TPTE: variants seen among roughly 807,000 people sequenced by gnomAD.
TPTE encodes the protein transmembrane phosphatase with tensin homology.
TPTE carries 59 observed loss-of-function variants against 84.1 expected under a neutral mutation model. That is an observed-to-expected ratio of 0.70 (90% CI 0.57 to 0.87). TPTE has a LOEUF of 0.87. Ranked by LOEUF, TPTE falls within the 40% of genes least tolerant of loss-of-function variation. The pLI, the probability that TPTE is intolerant of heterozygous loss-of-function variation, is 0.00. For missense variants in TPTE, 382 were observed against 659.6 expected, an observed-to-expected ratio of 0.58 and a Z score of 4.61; for synonymous variants, 130 against 223.5, an observed-to-expected ratio of 0.58 and a Z score of 3.73.
intron 23 of TPTE, 86 bp downstream of exon 23, chr21:10,603,718 C>T (rs79876272): frequency 6.3e-4 from 952 of 1,508,924 alleles, no homozygotes; most frequent in Non-Finnish European, 7.7e-4. Context: ...TGCTGGTTGT[C>T]ATAAACTTAA....
At chr21:10,546,834 GGTTT>G (rs1419217039) in intron 7 of TPTE, among the ~76,000 whole-genome samples, 31 of 152,306 alleles carry the variant, frequency 2.0e-4, no homozygotes, top group Non-Finnish European at 5.9e-5. Context: ...TTGTTCATGA[GGTTT>G]AAGGAAAGAA....
intron 3 of TPTE, among the ~76,000 whole-genome samples, chr21:10,535,594 T>A (rs1206211590): frequency 6.6e-6 from 1 of 152,308 alleles, no homozygotes; most frequent in African/African-American, 2.4e-5. Context: ...TAGTATCCAA[T>A]CCCTTAGGAA....
intron 8 of TPTE, among the ~76,000 whole-genome samples, chr21:10,552,920 A>T (rs2074606329): frequency 6.6e-6 from 1 of 152,312 alleles, no homozygotes. Context: ...CCATTCAGAA[A>T]TAAATGTTCT....
intron 2 of TPTE, among the ~76,000 whole-genome samples, chr21:10,525,795 A>G (rs973586780): frequency 4.6e-5 from 7 of 152,310 alleles, no homozygotes; most frequent in African/African-American, 1.4e-4. Context: ...AAAGCAGCTT[A>G]TCAAAGTATT....
chr21:10,527,858 C>A (rs2074107684), intron 3 of TPTE, among the ~76,000 whole-genome samples: 3 of 152,418 alleles, frequency 2.0e-5, no homozygotes, highest in African/African-American at 7.2e-5. Flanking sequence ...TGAGGAGAAG[C>A]AAAGATATCT....
At chr21:10,538,418 C>T (rs1350452597) in intron 3 of TPTE, among the ~76,000 whole-genome samples, 1 of 152,306 alleles carries the variant, frequency 6.6e-6, no homozygotes, top group Admixed American at 6.5e-5. Context: ...CAAAGGCTGT[C>T]ACGCATTGGG....
chr21:10,569,435 A>C lies in TPTE; in HGVS notation c.567-2A>C. 1 of 1,612,376 alleles carries C rather than the reference A, an allele frequency of 6.2e-7. No homozygotes were observed. The highest frequency in any genetic ancestry group is 1.7e-4 in the Middle Eastern group (1 of 6,030). On this transcript the variant is annotated splice_acceptor_variant, in intron 11 of 23. Transcript: ENST00000618007. LOFTEE classifies it high-confidence loss of function. ...AAATGGATCGTTTAAATTTATTCTT[A>C]GATGGACACATTTACTTCGACTTCT...
intron 10 of TPTE, among the ~76,000 whole-genome samples, chr21:10,562,674 A>G (rs2074832965): frequency 6.6e-6 from 1 of 152,310 alleles, no homozygotes; most frequent in Non-Finnish European, 1.5e-5. Context: ...AAACCAGAAG[A>G]AAGAATTAAT....
chr21:10,540,688 GC>G (rs2074352781), intron 4 of TPTE: 2 of 519,172 alleles, frequency 3.9e-6, no homozygotes, highest in Non-Finnish European at 7.7e-6. Flanking sequence ...CTTGCTTGAG[GC>G]CTCCAGCTAC....
chr21:10,569,829 C>G (rs1387253435), intron 13 of TPTE, 83 bp downstream of exon 13: 1 of 1,611,064 alleles, frequency 6.2e-7, no homozygotes, highest in East Asian at 2.2e-5. Flanking sequence ...ATCTAAGACA[C>G]ATTCATTCAA....
At chr21:10,563,872 C>A (rs2074858985) in intron 10 of TPTE, among the ~76,000 whole-genome samples, 1 of 152,306 alleles carries the variant, frequency 6.6e-6, no homozygotes, top group African/African-American at 2.4e-5. Context: ...AGAACAAGAC[C>A]CATCCAGGTG....
At chr21:10,538,075 T>C (rs1236875575) in intron 3 of TPTE, among the ~76,000 whole-genome samples, 1 of 152,310 alleles carries the variant, frequency 6.6e-6, no homozygotes. Flanking sequence ...CTATAATGGC[T>C]GAGGACAGCA....
At chr21:10,545,435 A>G (rs1304932846) in intron 7 of TPTE, among the ~76,000 whole-genome samples, 6 of 152,308 alleles carry the variant, frequency 3.9e-5, no homozygotes, top group Admixed American at 6.5e-5. Context: ...GCAAATGTAC[A>G]TAATTTCAAC....
At chr21:10,554,816 T>G (rs959537912) in intron 8 of TPTE, among the ~76,000 whole-genome samples, 9 of 152,306 alleles carry the variant, frequency 5.9e-5, no homozygotes, top group Non-Finnish European at 1.3e-4. Flanking sequence ...TGTCTTAAGG[T>G]ATAAAGTGTA....
At chr21:10,587,326 A>AT in intron 17 of TPTE, among the ~76,000 whole-genome samples, 1 of 152,308 alleles carries the variant, frequency 6.6e-6, no homozygotes, top group Non-Finnish European at 1.5e-5. Flanking sequence ...CCAGGTACTG[A>AT]GCACAAGACC....
At chr21:10,601,545 T>A (rs1469128149) in intron 21 of TPTE, among the ~76,000 whole-genome samples, 4 of 152,226 alleles carry the variant, frequency 2.6e-5, no homozygotes, top group Non-Finnish European at 5.9e-5. Flanking sequence ...CCCTCAAATA[T>A]GTTGGCCTTT....
intron 17 of TPTE, among the ~76,000 whole-genome samples, chr21:10,580,196 A>G (rs1224582890): frequency 6.6e-6 from 1 of 152,308 alleles, no homozygotes; most frequent in African/African-American, 2.4e-5. Context: ...CATTTTCTAG[A>G]GAAGTAACTT....
intron 19 of TPTE, among the ~76,000 whole-genome samples, chr21:10,592,806 G>T (rs1366185363): frequency 6.8e-5 from 1 of 14,802 alleles, no homozygotes; most frequent in East Asian, 2.1e-3. Flanking sequence ...ATGACTCCTG[G>T]TGTGTGTGTG....
intron 5 of TPTE, among the ~76,000 whole-genome samples, 198 bp from the exon 6 acceptor site, chr21:10,542,197 G>A (rs547726312): frequency 3.7e-4 from 56 of 152,402 alleles, no homozygotes; most frequent in East Asian, 2.5e-3. Flanking sequence ...ATTTTCCCCC[G>A]CCTAAGATTT....
Sources: gnomAD v4.1 joint callset for allele counts (sites outside exome capture counted in the v4.1 genomes callset) on GRCh38, gnomAD v4.1.1 for gene constraint, MANE v1.5 for transcripts, NCBI Gene and HGNC (gene_info 2026-07-23, HGNC 2026-07-21) for gene names.